Variants in CALN1 observed in about 807,000 individuals in gnomAD.
CALN1 encodes calcium-binding protein 8.
Under a neutral mutation model 30.6 loss-of-function variants are expected in CALN1, and 17 were observed. The ratio of observed to expected loss-of-function variants is 0.56; its 90% CI spans 0.38 to 0.83. CALN1 has a LOEUF of 0.83. CALN1 is among the 40% of genes least tolerant of loss of function. CALN1 has a pLI of 0.00. For missense variants in CALN1, 291 were observed against 354.9 expected (o/e 0.82, Z 1.45); for synonymous variants, 156 against 131.4 (o/e 1.19, Z -1.28).
intron 4 of CALN1, among the ~76,000 whole-genome samples, chr7:72,088,376 A>T (rs771354736): frequency 6.6e-5 from 10 of 152,056 alleles, no homozygotes; most frequent in Non-Finnish European, 1.2e-4. Flanking sequence ...CCTAACAATA[A>T]TGAAGGAGCA....
chr7:71,946,610 C>A (rs969829170), intron 5 of CALN1, among the ~76,000 whole-genome samples: 2 of 151,998 alleles, frequency 1.3e-5, no homozygotes, highest in Non-Finnish European at 2.9e-5. Flanking sequence ...AATCCTCCTG[C>A]GTTTGCCTCT....
At chr7:72,351,568 A>T (rs188531140) in intron 2 of CALN1, among the ~76,000 whole-genome samples, 53 of 152,372 alleles carry the variant, frequency 3.5e-4, no homozygotes, top group Non-Finnish European at 7.3e-4. Flanking sequence ...AAAGGGAGTA[A>T]GGAAATGGAA....
chr7:71,818,690 TTATTTATTTATTTATTTA>T (rs1243048894), intron 5 of CALN1, among the ~76,000 whole-genome samples: 1 of 146,312 alleles, frequency 6.8e-6, no homozygotes, highest in East Asian at 2.1e-4. Context: ...ATTTATTTAT[TTATTTATTTATTTATTTA>T]TTTATTTATT....
At chr7:72,453,802 G>A in the CALN1 span, among the ~76,000 whole-genome samples, 1 of 152,162 alleles carries the variant, frequency 6.6e-6, no homozygotes. Flanking sequence ...ATGCACTTTG[G>A]AGTATAAATG....
At chr7:72,021,589 C>A (rs897088119) in intron 5 of CALN1, among the ~76,000 whole-genome samples, 1 of 152,124 alleles carries the variant, frequency 6.6e-6, no homozygotes, top group Non-Finnish European at 1.5e-5. Context: ...TGGATCCTAA[C>A]AACAGTTCAG....
At chr7:71,962,227 T>TAA (rs11355636) in intron 5 of CALN1, among the ~76,000 whole-genome samples, 10 of 137,374 alleles carry the variant, frequency 7.3e-5, no homozygotes, top group African/African-American at 1.1e-4. Flanking sequence ...ACCCCATCTC[T>TAA]AAAAAAAAAA....
In CALN1 at chr7:72,304,611, G is replaced by A. The variant is rs144578506; in HGVS notation, c.120-25801C>T. Reference sequence around the variant, plus strand: ...ACATGGGGGGGGTATAGCTGCCAGCGTCTCTTTTACGTCTATCTACTTATA... The same window carrying A: ...ACATGGGGGGGGTATAGCTGCCAGCATCTCTTTTACGTCTATCTACTTATA... On this transcript the variant is annotated intron_variant, in intron 2 of 6. Transcript: ENST00000395275. 9.8e-3 allele frequency among the ~76,000 whole-genome samples: 1,493 copies of A among 152,194 alleles called. 26 individuals carry two copies. The highest frequency in any genetic ancestry group is 0.034 in the African/African-American group (1,397 of 41,510).
chr7:72,154,003 A>G (rs1024025102), intron 3 of CALN1, among the ~76,000 whole-genome samples: 5 of 152,188 alleles, frequency 3.3e-5, no homozygotes, highest in Non-Finnish European at 7.4e-5. Flanking sequence ...GCCCAGAGTA[A>G]CTTCTCTGTG....
intron 5 of CALN1, among the ~76,000 whole-genome samples, chr7:71,889,815 T>G (rs573495935): frequency 6.6e-6 from 1 of 152,224 alleles, no homozygotes; most frequent in African/African-American, 2.4e-5. Flanking sequence ...CTTAGCCATA[T>G]GTGGTGGCAC....
intron 3 of CALN1, among the ~76,000 whole-genome samples, chr7:72,250,133 A>T (rs1795454695): frequency 6.6e-6 from 1 of 152,110 alleles, no homozygotes; most frequent in African/African-American, 2.4e-5. Context: ...CCTCCCCAAA[A>T]TTATCTGAAA....
chr7:72,406,132 G>T (rs1285946523), intron 1 of CALN1, among the ~76,000 whole-genome samples: 4 of 152,178 alleles, frequency 2.6e-5, no homozygotes, highest in Admixed American at 2.0e-4. Flanking sequence ...ACCCAAAATG[G>T]AGCTGGCTCC....
intron 3 of CALN1, among the ~76,000 whole-genome samples, chr7:72,277,635 G>A (rs1032607715): frequency 5.3e-5 from 8 of 152,148 alleles, no homozygotes; most frequent in African/African-American, 1.9e-4. Flanking sequence ...AAATGGATGA[G>A]AGAAGGAGAA....
intron 3 of CALN1, among the ~76,000 whole-genome samples, chr7:72,224,738 G>A (rs568513124): frequency 1.5e-4 from 23 of 151,270 alleles, no homozygotes; most frequent in African/African-American, 1.9e-4. Context: ...CCAAGATTGC[G>A]CCACTGCACT....
At chr7:72,055,742 T>C (rs142464715) in intron 4 of CALN1, among the ~76,000 whole-genome samples, 17 of 152,308 alleles carry the variant, frequency 1.1e-4, no homozygotes, top group Non-Finnish European at 2.2e-4. Context: ...CCAAGCTGAG[T>C]GGCTCACATC....
chr7:71,850,847 A>G (rs1221750573), intron 5 of CALN1, among the ~76,000 whole-genome samples: 1 of 143,488 alleles, frequency 7.0e-6, no homozygotes, highest in Non-Finnish European at 1.5e-5. Context: ...GTAGTGGTTG[A>G]CACATAGTGA....
intron 3 of CALN1, among the ~76,000 whole-genome samples, chr7:72,111,498 C>G (rs368515568): frequency 6.6e-6 from 1 of 152,144 alleles, no homozygotes; most frequent in African/African-American, 2.4e-5. Context: ...TGCTCTGTTG[C>G]CCAGGCTGAA....
At chr7:72,288,070 G>T (rs1039395847) in intron 2 of CALN1, among the ~76,000 whole-genome samples, 5 of 152,264 alleles carry the variant, frequency 3.3e-5, no homozygotes, top group Admixed American at 6.5e-5. Context: ...GTCAGAATCA[G>T]GAGCTGCTTA....
intron 5 of CALN1, among the ~76,000 whole-genome samples, chr7:71,851,751 G>A (rs1790660631): frequency 6.6e-6 from 1 of 152,164 alleles, no homozygotes; most frequent in Non-Finnish European, 1.5e-5. Context: ...CTAAGATGGT[G>A]TCCTACCCTA....
At chr7:72,380,718 T>TAGATACAC (rs577801143) in intron 2 of CALN1, among the ~76,000 whole-genome samples, 1,910 of 151,628 alleles carry the variant, frequency 0.013, 26 homozygotes, top group Middle Eastern at 0.027. Flanking sequence ...GATAGATAGA[T>TAGATACAC]AGATACATAG....
Sources: gnomAD v4.1 joint callset for allele counts (sites outside exome capture counted in the v4.1 genomes callset) on GRCh38, gnomAD v4.1.1 for gene constraint, MANE v1.5 for transcripts, NCBI Gene and HGNC (gene_info 2026-07-23, HGNC 2026-07-21) for gene names.